GSPT1: variants seen among roughly 807,000 people sequenced by gnomAD.
GSPT1 encodes the protein eukaryotic peptide chain release factor GTP-binding subunit ERF3A.
Under a neutral mutation model 72.5 loss-of-function variants are expected in GSPT1, and 20 were observed. The observed-to-expected ratio is 0.28, with a 90% confidence interval of 0.19 to 0.40. GSPT1 has a LOEUF of 0.40. Ranked by LOEUF, GSPT1 falls within the 10% of genes least tolerant of loss-of-function variation. GSPT1 has a pLI of 1.00. For synonymous variants in GSPT1, 334 were observed against 293.5 expected (o/e 1.14, Z -1.41); for missense variants, 580 against 811.9 (o/e 0.71, Z 3.47).
chr16:11,886,936 T>C lies in GSPT1; in HGVS notation c.958-5A>G. ...TCCTTTCCTGGCTGAGATTACCTAA[T>C]TCCAAGAAAGGAAACAGTTTACTCC... On this transcript the variant is annotated splice_region_variant and splice_polypyrimidine_tract_variant and intron_variant, in intron 7 of 14. Transcript: ENST00000434724. 1 of 1,613,066 alleles carries C rather than the reference T, an allele frequency of 6.2e-7. No homozygotes were observed. The highest frequency in any genetic ancestry group is 8.5e-7 in the Non-Finnish European group (1 of 1,179,234).
At chr16:11,909,488 G>A (rs1258003066) in intron 1 of GSPT1, among the ~76,000 whole-genome samples, 1 of 152,146 alleles carries the variant, frequency 6.6e-6, no homozygotes, top group Admixed American at 6.5e-5. Context: ...ACCAAGGGTA[G>A]AATGATGAAA....
intron 1 of GSPT1, among the ~76,000 whole-genome samples, chr16:11,905,032 C>T (rs2054471480): frequency 6.6e-6 from 1 of 152,228 alleles, no homozygotes; most frequent in African/African-American, 2.4e-5. Context: ...CACACCACTG[C>T]ACTCCAGCCT....
At chr16:11,911,105 C>T (rs1386618206) in intron 1 of GSPT1, among the ~76,000 whole-genome samples, 1 of 152,238 alleles carries the variant, frequency 6.6e-6, no homozygotes, top group Non-Finnish European at 1.5e-5. Flanking sequence ...TATATGAGCA[C>T]TGTTCTTGCA....
At position 11,915,657 on chromosome 16, in the gene GSPT1, T is replaced by TCCC; in HGVS notation, c.63_64insGGG (p.Ser21_Ser22insGly). 1 of 1,485,690 alleles carries TCCC rather than the reference T, an allele frequency of 6.7e-7. No homozygotes were observed. Among genetic ancestry groups the TCCC allele is most frequent in the Non-Finnish European group, 8.9e-7 (1 of 1,123,018 alleles). The allele number at this position is 1,485,690 out of a possible 1,614,324, so 92.0% of individuals were successfully genotyped here. On this transcript the variant is annotated inframe_insertion, in exon 1 of 15. Transcript: ENST00000434724. Reference sequence around the variant, plus strand: ...CAGTCAGGCGCCGAGTCGCTGCTGCTGCTGCCGCTGCTGCTCCCGCCGCCG... The same window carrying TCCC: ...CAGTCAGGCGCCGAGTCGCTGCTGCTCCCGCTGCCGCTGCTGCTCCCGCCGCCG...
At chr16:11,883,193 G>A (rs1335793645) in intron 10 of GSPT1, 98 bp from the exon 11 acceptor site, 2 of 724,462 alleles carry the variant, frequency 2.8e-6, no homozygotes, top group Non-Finnish European at 4.9e-6. Context: ...ATTCATAAAG[G>A]AAAATCATTT....
chr16:11,909,576 A>T (rs1167471154), intron 1 of GSPT1, among the ~76,000 whole-genome samples: 1 of 152,172 alleles, frequency 6.6e-6, no homozygotes, highest in Non-Finnish European at 1.5e-5. Context: ...GAAATAGACA[A>T]GTACTGTAAA....
intron 10 of GSPT1, 75 bp from the exon 11 acceptor site, chr16:11,883,170 T>A: frequency 1.2e-6 from 1 of 850,706 alleles, no homozygotes; most frequent in Admixed American, 2.0e-5. Context: ...CAAAGTGAAA[T>A]TCTACACTGC....
intron 11 of GSPT1, chr16:11,881,673 T>TTTTTTTTTTTA (rs71136694): frequency 2.8e-5 from 4 of 145,248 alleles, no homozygotes; most frequent in Admixed American, 1.4e-4. Context: ...TTTTTTTTTT[T>TTTTTTTTTTTA]AGTAAAGGTC....
rs73511632 is a variant in GSPT1, at chr16:11,869,055, G to A, written c.*4064C>T. 1 of 152,156 alleles carries A rather than the reference G, an allele frequency of 6.6e-6. No individual in the cohort carries two copies. The highest frequency in any genetic ancestry group is 1.5e-5 in the Non-Finnish European group (1 of 68,034). 9.4% of individuals were successfully genotyped at this position (152,156 alleles called of 1,614,324 possible). On this transcript the variant is annotated 3_prime_UTR_variant, in exon 15 of 15. Transcript: ENST00000434724. Reference sequence around the variant, plus strand: ...ATTTATTGAAGGGAAGACTCAGTAAGTTCTAGGATATTAAAGTCAAGAATA... The same window carrying A: ...ATTTATTGAAGGGAAGACTCAGTAAATTCTAGGATATTAAAGTCAAGAATA...
At chr16:11,905,591 T>C (rs192339652) in intron 1 of GSPT1, among the ~76,000 whole-genome samples, 2 of 152,200 alleles carry the variant, frequency 1.3e-5, no homozygotes, top group Non-Finnish European at 2.9e-5. Context: ...TCCCAGCACT[T>C]TGGGAGGCCA....
chr16:11,915,047 C>T, intron 1 of GSPT1: 1 of 1,291,176 alleles, frequency 7.7e-7, no homozygotes, highest in Non-Finnish European at 1.0e-6. Context: ...GGATCCGCCG[C>T]GGCCCCCACT....
chr16:11,897,924 A>G, intron 2 of GSPT1, 43 bp from the exon 3 acceptor site: 6 of 1,446,400 alleles, frequency 4.1e-6, no homozygotes, highest in Non-Finnish European at 5.7e-6. Context: ...ACCAAACAGT[A>G]TCTAGCTTTA....
Position 11,915,917 on chromosome 16 carries a change from C to A in GSPT1, c.-197G>T, listed in dbSNP as rs544357999. On this transcript the variant is annotated 5_prime_UTR_variant, in exon 1 of 15. Transcript: ENST00000434724. ...ACACTCGCGACGACGACAGAGGCGGCGGCGGCGGCAGCTCAACCCTCCTCC... is the reference window on the plus strand; with the variant it reads ...ACACTCGCGACGACGACAGAGGCGGAGGCGGCGGCAGCTCAACCCTCCTCC... The A allele has an allele frequency of 2.5e-6, 2 of 805,016 alleles. No individual in the cohort carries two copies. Among genetic ancestry groups the A allele is most frequent in the Non-Finnish European group, 4.3e-6 (2 of 462,310 alleles). 49.9% of individuals were successfully genotyped at this position (805,016 alleles called of 1,614,324 possible). A position where few individuals can be genotyped will look rare whatever the true frequency, so the allele number is the denominator to read the frequency against.
At chr16:11,885,532 T>A (rs1015034416) in intron 9 of GSPT1, among the ~76,000 whole-genome samples, 2 of 152,216 alleles carry the variant, frequency 1.3e-5, no homozygotes, top group Admixed American at 6.5e-5. Flanking sequence ...ATAAATTGAC[T>A]ATATTACTTT....
intron 5 of GSPT1, among the ~76,000 whole-genome samples, chr16:11,892,842 A>G (rs2054285653): frequency 6.7e-6 from 1 of 149,322 alleles, no homozygotes; most frequent in African/African-American, 2.5e-5. Flanking sequence ...AAAAAAAAAA[A>G]AAAAAAAAAA....
intron 1 of GSPT1, among the ~76,000 whole-genome samples, chr16:11,911,753 C>T (rs73511695): frequency 0.039 from 5,823 of 150,628 alleles, 375 homozygotes; most frequent in African/African-American, 0.13. Flanking sequence ...GGTTTCGCCA[C>T]GTTGGCCAGG....
At chr16:11,889,326 C>CTT (rs2054224972) in intron 6 of GSPT1, among the ~76,000 whole-genome samples, 1 of 95,750 alleles carries the variant, frequency 1.0e-5, no homozygotes, top group Non-Finnish European at 2.0e-5. Context: ...CACCCCTCTT[C>CTT]TTCTTTTTTT....
At chr16:11,907,070 G>A (rs1262744259) in intron 1 of GSPT1, among the ~76,000 whole-genome samples, 1 of 152,186 alleles carries the variant, frequency 6.6e-6, no homozygotes, top group East Asian at 1.9e-4. Context: ...GAACAGAGCT[G>A]TTTTAAAGTA....
chr16:11,916,116 G>A (rs994477819), upstream of GSPT1: 2 of 432,126 alleles, frequency 4.6e-6, no homozygotes, highest in Middle Eastern at 6.7e-4. Flanking sequence ...GGAACTACAA[G>A]TTCCGGCAGC....
Sources: gnomAD v4.1 joint callset for allele counts (sites outside exome capture counted in the v4.1 genomes callset) on GRCh38, gnomAD v4.1.1 for gene constraint, MANE v1.5 for transcripts, NCBI Gene and HGNC (gene_info 2026-07-23, HGNC 2026-07-21) for gene names.